The following FRYL variants were observed in gnomAD, a reference collection of about 807,000 sequenced individuals.
FRYL encodes protein furry homolog-like.
A neutral mutation model predicts 351.2 loss-of-function variants in FRYL; 150 were observed. The ratio of observed to expected loss-of-function variants is 0.43; its 90% CI spans 0.37 to 0.49. The LOEUF is 0.49. Ranked by LOEUF, FRYL falls within the 20% of genes least tolerant of loss-of-function variation. FRYL has a pLI of 0.00. For missense variants in FRYL, 3,036 were observed against 3,619.3 expected, an observed-to-expected ratio of 0.84 and a Z score of 4.13; for synonymous variants, 1,153 against 1,257.1, an observed-to-expected ratio of 0.92 and a Z score of 1.75.
At chr4:48,700,669 G>T (rs867717255) in intron 2 of FRYL, among the ~76,000 whole-genome samples, 6 of 150,964 alleles carry the variant, frequency 4.0e-5, no homozygotes, top group Middle Eastern at 3.2e-3. Flanking sequence ...AGGCATGGTG[G>T]TGTGTGTTTG....
chr4:48,646,184 G>A (rs868598947), intron 3 of FRYL, among the ~76,000 whole-genome samples: 1 of 152,188 alleles, frequency 6.6e-6, no homozygotes, highest in South Asian at 2.1e-4. Flanking sequence ...TTTTATGAAT[G>A]CCTTGACTAA....
At chr4:48,688,605 A>T (rs1257387756) in intron 2 of FRYL, among the ~76,000 whole-genome samples, 1 of 151,054 alleles carries the variant, frequency 6.6e-6, no homozygotes. Context: ...GACAAATGCT[A>T]TAATTTTTAA....
chr4:48,554,391 T>G (rs1248724354), intron 35 of FRYL, among the ~76,000 whole-genome samples: 6 of 151,830 alleles, frequency 4.0e-5, no homozygotes, highest in African/African-American at 4.8e-5. Flanking sequence ...CAGGCTAGAG[T>G]GCAGTGGCAC....
intron 46 of FRYL, 66 bp from the exon 47 acceptor site, chr4:48,540,134 A>AT (rs1729840668): frequency 7.7e-7 from 1 of 1,299,912 alleles, no homozygotes; most frequent in Non-Finnish European, 1.1e-6. Flanking sequence ...AGTTAAAGTT[A>AT]TTTTTTTAGA....
rs1434778775 is a variant in FRYL, at chr4:48,567,092, A to G, written c.3169+156T>C. Among the ~76,000 whole-genome samples the G allele has an allele frequency of 2.0e-5, 3 of 152,208 alleles. No individual in the cohort carries two copies. Among genetic ancestry groups the G allele is most frequent in the Non-Finnish European group, 2.9e-5 (2 of 68,010 alleles). Reference sequence around the variant, plus strand: ...TTTCTAATCAGTGACAATAATTCAAAGGGAAAACAAACTCCAGCCATCCAG... The same window carrying G: ...TTTCTAATCAGTGACAATAATTCAAGGGGAAAACAAACTCCAGCCATCCAG... On this transcript the variant is annotated intron_variant, in intron 28 of 63. Transcript: ENST00000358350. The surrounding 1 kb of genome is among the most constrained non-coding windows in gnomAD (Gnocchi z 4.2).
rs1471855333 is a variant in FRYL, at chr4:48,614,714, T to C, written c.411+4560A>G. ...ACTAGCCTGGGCAACAGAGTGAGAC[T>C]CCATCTCAAAAAAAAAAAAAAAAAA... On this transcript the variant is annotated intron_variant, in intron 7 of 63. Transcript: ENST00000358350. Among the ~76,000 whole-genome samples, 5 of 53,082 alleles carry C rather than the reference T, an allele frequency of 9.4e-5. 2 individuals are homozygous for C. 34.8% of individuals were successfully genotyped at this position (53,082 alleles called of 152,430 possible). A position where few individuals can be genotyped will look rare whatever the true frequency, so the allele number is the denominator to read the frequency against.
chr4:48,658,127 T>A (rs1251960453), intron 3 of FRYL, among the ~76,000 whole-genome samples: 1 of 144,246 alleles, frequency 6.9e-6, no homozygotes, highest in Non-Finnish European at 1.5e-5. Flanking sequence ...AAATGTTACT[T>A]AATATAGAAT....
Position 48,540,339 on chromosome 4 carries a change from T to TA in FRYL, c.6295+13dup. The TA allele has an allele frequency of 6.2e-7, 1 of 1,604,410 alleles. No homozygotes were observed. The highest frequency in any genetic ancestry group is 1.3e-5 in the African/African-American group (1 of 74,654). On this transcript the variant is annotated intron_variant, in intron 46 of 63. Coordinates refer to ENST00000358350, the MANE Select transcript of FRYL (RefSeq NM_015030.2). ...ATAAAATGCAAAGTGCTGGTGCAAT[T>TA]ATATTAACATCACCTGACAATTGGG...
intron 53 of FRYL, among the ~76,000 whole-genome samples, chr4:48,525,162 G>GATATATATAT (rs1560536410): frequency 8.4e-6 from 1 of 118,454 alleles, no homozygotes; most frequent in Non-Finnish European, 1.7e-5. Context: ...TATTTTTAAA[G>GATATATATAT]GTATATATAT....
Position 48,587,950 on chromosome 4 carries a change from T to C in FRYL, c.1641-1222A>G, listed in dbSNP as rs536533068. Among the ~76,000 whole-genome samples the C allele has an allele frequency of 1.6e-4, 25 of 152,342 alleles. No individual in the cohort carries two copies. The Middle Eastern group carries it at 0.01, about 62-fold the overall frequency. ...TGCATGAATTTCAGTTACCACACTT[T>C]AGTTAAATAATACCAGTCCCCAAAA... On this transcript the variant is annotated intron_variant, in intron 18 of 63. Coordinates refer to ENST00000358350, the MANE Select transcript of FRYL (RefSeq NM_015030.2).
intron 1 of FRYL, among the ~76,000 whole-genome samples, chr4:48,730,334 T>TGGATATCCAGGATA: frequency 6.6e-6 from 1 of 152,252 alleles, no homozygotes; most frequent in South Asian, 2.1e-4. Context: ...CCAGGAGAAC[T>TGGATATCCAGGATA]TCCCCAACCT....
chr4:48,538,718 CT>C lies in FRYL; in HGVS notation c.6393+1252del, dbSNP rs1036520769. ...GTTCTCTTCTGTAGAAAAAAACTTC[CT>C]TTTTTTTTTTCTCCTGGTGCTTTAG... On this transcript the variant is annotated intron_variant, in intron 47 of 63. Transcript: ENST00000358350. 1.3e-3 allele frequency among the ~76,000 whole-genome samples: 187 copies of C among 146,946 alleles called. 1 individual carries two copies. The highest frequency in any genetic ancestry group is 3.4e-3 in the African/African-American group (138 of 40,300).
chr4:48,586,586 A>G (rs1467094202), intron 19 of FRYL, 35 bp downstream of exon 19: 2 of 1,380,878 alleles, frequency 1.4e-6, no homozygotes, highest in Non-Finnish European at 2.1e-6. Flanking sequence ...AGCAGAAGAC[A>G]TAAAACAATA....
At chr4:48,740,811 CA>C (rs1771970482) in intron 1 of FRYL, among the ~76,000 whole-genome samples, 1 of 152,102 alleles carries the variant, frequency 6.6e-6, no homozygotes, top group South Asian at 2.1e-4. Flanking sequence ...AGTGGGAATG[CA>C]AAATGAAACA....
intron 23 of FRYL, among the ~76,000 whole-genome samples, chr4:48,577,599 A>G (rs1446247983): frequency 2.0e-5 from 3 of 152,200 alleles, no homozygotes; most frequent in Non-Finnish European, 4.4e-5. Context: ...TAGAGCAGAA[A>G]AGGGAGATAA....
At chr4:48,681,132 G>C (rs1560851416) in intron 3 of FRYL, 14 of 1,221,170 alleles carry the variant, frequency 1.1e-5, no homozygotes, top group Non-Finnish European at 1.5e-5. Flanking sequence ...CCATTTTAAG[G>C]TTCTTCTACA....
intron 27 of FRYL, among the ~76,000 whole-genome samples, chr4:48,569,663 A>G (rs2149100375): frequency 6.6e-6 from 1 of 152,300 alleles, no homozygotes; most frequent in South Asian, 2.1e-4. Flanking sequence ...AAATACTCTG[A>G]TTAAAAATCT....
At chr4:48,663,152 G>A (rs1273743160) in intron 3 of FRYL, among the ~76,000 whole-genome samples, 2 of 151,796 alleles carry the variant, frequency 1.3e-5, no homozygotes, top group Non-Finnish European at 2.9e-5. Flanking sequence ...GAACATTTGG[G>A]TTTATAATAT....
chr4:48,697,387 T>C lies in FRYL; in HGVS notation c.-203-12592A>G, dbSNP rs1766301378. Among the ~76,000 whole-genome samples the C allele has an allele frequency of 2.6e-5, 4 of 152,224 alleles. No individual in the cohort carries two copies. The South Asian group carries it at 8.3e-4, about 31-fold the overall frequency. On this transcript the variant is annotated intron_variant, in intron 2 of 63. Coordinates refer to ENST00000358350, the MANE Select transcript of FRYL (RefSeq NM_015030.2). ...AAACTTTTTTTACTTCAAAAAATAA[T>C]GTATTTTTACAGGTGCCAATTTTAA...
Sources: gnomAD v4.1 joint callset for allele counts (sites outside exome capture counted in the v4.1 genomes callset) on GRCh38, gnomAD v4.1.1 for gene constraint, Gnocchi (gnomAD v3.1) non-coding constraint, MANE v1.5 for transcripts, NCBI Gene and HGNC (gene_info 2026-07-23, HGNC 2026-07-21) for gene names.